COL6A5: variants seen among roughly 807,000 people sequenced by gnomAD.
COL6A5 encodes collagen type VI alpha 5 chain.
In COL6A5, 48 loss-of-function variants were observed where a neutral mutation model predicts 65.6. That is an observed-to-expected ratio of 0.73 (90% CI 0.58 to 0.93). The LOEUF (loss-of-function observed/expected upper bound fraction) is 0.93. Ranked by LOEUF, COL6A5 falls within the 40% of genes least tolerant of loss-of-function variation. The pLI is 0.00. For synonymous variants in COL6A5, 291 were observed against 322.8 expected, an observed-to-expected ratio of 0.90 and a Z score of 1.05; for missense variants, 914 against 928.3, an observed-to-expected ratio of 0.98 and a Z score of 0.20.
intron 7 of COL6A5, 119 bp from the exon 8 acceptor site, chr3:130,394,771 A>T: frequency 1.4e-6 from 1 of 691,322 alleles, no homozygotes; most frequent in Non-Finnish European, 2.4e-6. Context: ...TTGTTAACTT[A>T]TCTCAATTTG....
Position 130,372,584 on chromosome 3 carries a change from T to C in COL6A5, c.-28-1027T>C, listed in dbSNP as rs946905223. On this transcript the variant is annotated intron_variant and NMD_transcript_variant, in intron 1 of 41. Transcript: ENST00000312481. The stretch of plus-strand genomic sequence containing the variant: ...AGCCAAACATAAAGGCCACATATTG[T>C]ATGATTCTGTTTATACAAAATGTCC... 3.9e-5 allele frequency among the ~76,000 whole-genome samples: 6 copies of C among 152,298 alleles called. No homozygotes were observed. The South Asian group carries it at 1.2e-3, about 32-fold the overall frequency.
intron 27 of COL6A5, among the ~76,000 whole-genome samples, chr3:130,422,495 A>G (rs1478877163): frequency 1.3e-5 from 2 of 152,098 alleles, no homozygotes; most frequent in South Asian, 4.1e-4. Context: ...ATTGAAATGT[A>G]TATGTAAATA....
intron 20 of COL6A5, among the ~76,000 whole-genome samples, chr3:130,412,805 T>C (rs1373484440): frequency 2.0e-5 from 3 of 152,158 alleles, no homozygotes; most frequent in Non-Finnish European, 4.4e-5. Flanking sequence ...CTTGATCTGA[T>C]AGTTTATTCT....
chr3:130,405,606 G>A, exon 14 of COL6A5: 1 of 1,550,856 alleles, frequency 6.4e-7, no homozygotes, highest in South Asian at 1.2e-5. Flanking sequence ...AGGAGACACA[G>A]GACCCCAAGG....
chr3:130,412,983 A>G (rs1360467524), intron 20 of COL6A5, among the ~76,000 whole-genome samples: 1 of 152,170 alleles, frequency 6.6e-6, no homozygotes, highest in Non-Finnish European at 1.5e-5. Flanking sequence ...TTGGTGGTCG[A>G]GATGTTCCAC....
intron 2 of COL6A5, 66 bp downstream of exon 34, chr3:130,439,681 T>C (rs1190026515): frequency 9.1e-7 from 1 of 1,104,278 alleles, no homozygotes; most frequent in East Asian, 2.6e-5. Context: ...AGTTATTGAA[T>C]GTGGTTTTAT....
chr3:130,348,986 G>T (rs1306889702), intron 1 of COL6A5, among the ~76,000 whole-genome samples: 1 of 151,948 alleles, frequency 6.6e-6, no homozygotes. Flanking sequence ...TTGTGAATTT[G>T]TTTAAGTTCA....
rs377234229 is a variant in COL6A5 at position 130,401,205 on chromosome 3, A to C, written c.4134+32A>C. The C allele has an allele frequency of 2.6e-6, 4 of 1,510,918 alleles. No homozygotes were observed. The African/African-American group carries it at 5.6e-5, about 21-fold the overall frequency. 93.6% of individuals were successfully genotyped at this position (1,510,918 alleles called of 1,614,324 possible). A position where few individuals can be genotyped will look rare whatever the true frequency, so the allele number is the denominator to read the frequency against. Reference sequence around the variant, plus strand: ...TGTTGAACAAAATCCCCGGTTGTTCAAAATGCCATGGGAACTAAATTGGAA... The same window carrying C: ...TGTTGAACAAAATCCCCGGTTGTTCCAAATGCCATGGGAACTAAATTGGAA... On this transcript the variant is annotated intron_variant and NMD_transcript_variant, in intron 11 of 41. Transcript: ENST00000312481.
Position 130,484,804 on chromosome 3 carries a change from A to G in COL6A5, c.*763A>G, listed in dbSNP as rs566508385. ...GAGATGTTCTTGGGAATTACAATGT[A>G]GCAAGAGATAATTTCTAAAATAAAA... On this transcript the variant is annotated 3_prime_UTR_variant, in exon 8 of 8. Coordinates refer to ENST00000512836, the Ensembl canonical transcript of COL6A5. 1.3e-5 allele frequency: 5 copies of G among 398,844 alleles called. No homozygotes were observed. The South Asian group carries it at 5.1e-4, about 41-fold the overall frequency. 24.7% of individuals were successfully genotyped at this position (398,844 alleles called of 1,614,324 possible).
upstream of COL6A5, chr3:130,426,534 G>C (rs1223958459): frequency 3.2e-5 from 29 of 911,876 alleles, no homozygotes; most frequent in Non-Finnish European, 5.1e-5. Context: ...AGCTTGTCTG[G>C]AGTGCCTACT....
At chr3:130,408,836 G>T (rs866387693) in intron 17 of COL6A5, among the ~76,000 whole-genome samples, 1 of 152,194 alleles carries the variant, frequency 6.6e-6, no homozygotes, top group Non-Finnish European at 1.5e-5. Flanking sequence ...TCCCCCGATA[G>T]AACATCCCTG....
intron 3 of COL6A5, among the ~76,000 whole-genome samples, chr3:130,442,393 T>C (rs1709205902): frequency 6.6e-6 from 1 of 152,180 alleles, no homozygotes; most frequent in African/African-American, 2.4e-5. Flanking sequence ...GCAATTTTGT[T>C]CTTTGTGCCA....
intron 8 of COL6A5, among the ~76,000 whole-genome samples, chr3:130,395,885 T>G (rs567223140): frequency 1.6e-4 from 23 of 141,992 alleles, no homozygotes; most frequent in Non-Finnish European, 2.2e-4. Flanking sequence ...TGTAAGGGAC[T>G]CGTGTGTGTG....
chr3:130,449,641 T>C (rs182315367), intron 4 of COL6A5, among the ~76,000 whole-genome samples: 62 of 152,276 alleles, frequency 4.1e-4, no homozygotes, highest in Non-Finnish European at 6.3e-4. Context: ...ACTTTTTTCC[T>C]CGAATGTGTA....
At chr3:130,458,754 T>A (rs1709633289) in intron 5 of COL6A5, among the ~76,000 whole-genome samples, 1 of 152,128 alleles carries the variant, frequency 6.6e-6, no homozygotes, top group African/African-American at 2.4e-5. Flanking sequence ...ATCCAACATC[T>A]ATCTGACAAA....
At chr3:130,420,158 G>GAA (rs1184427822) in intron 25 of COL6A5, among the ~76,000 whole-genome samples, 1 of 94,452 alleles carries the variant, frequency 1.1e-5, no homozygotes. Flanking sequence ...GGAAGGAAGA[G>GAA]AGGAAAGAAG....
exon 3 of COL6A5, chr3:130,376,826 T>C: frequency 6.2e-7 from 1 of 1,610,438 alleles, no homozygotes; most frequent in South Asian, 1.1e-5. Context: ...CCGTCGATGC[T>C]GATATGCAAG....
intron 25 of COL6A5, among the ~76,000 whole-genome samples, chr3:130,419,313 G>A (rs994219054): frequency 1.3e-5 from 2 of 152,112 alleles, no homozygotes; most frequent in Non-Finnish European, 2.9e-5. Flanking sequence ...TAAGAAATGG[G>A]GCATCACATT....
At chr3:130,476,418 G>T (rs764726171) in intron 7 of COL6A5, among the ~76,000 whole-genome samples, 1 of 152,086 alleles carries the variant, frequency 6.6e-6, no homozygotes, top group Non-Finnish European at 1.5e-5. Context: ...TATAGCAGGG[G>T]ATATAATTAA....
Sources: gnomAD v4.1 joint callset for allele counts (sites outside exome capture counted in the v4.1 genomes callset) on GRCh38, gnomAD v4.1.1 for gene constraint, MANE v1.5 for transcripts, NCBI Gene and HGNC (gene_info 2026-07-23, HGNC 2026-07-21) for gene names.